The following ZSCAN5C variants were observed in gnomAD, a reference collection of about 807,000 sequenced individuals.
ZSCAN5C encodes the protein zinc finger and SCAN domain containing 5C.
ZSCAN5C carries 11 observed loss-of-function variants against 17.3 expected under a neutral mutation model. The ratio of observed to expected loss-of-function variants is 0.64; its 90% confidence interval spans 0.40 to 1.06. The LOEUF (loss-of-function observed/expected upper bound fraction) is 1.06, where lower values mean the gene tolerates loss of function less well. Ranked by LOEUF, ZSCAN5C falls within the 50% of genes least tolerant of loss-of-function variation. The probability of loss-of-function intolerance (pLI) is 0.00; values close to 1 mark genes in which losing one functional copy is unlikely to be tolerated. For missense variants in ZSCAN5C, 698 were observed against 538.9 expected (o/e 1.30, Z -2.92); for synonymous variants, 229 against 208.4 (o/e 1.10, Z -0.85).
At chr19:56,208,413 C>T (rs2032948202) in intron 4 of ZSCAN5C, 36 bp from the exon 5 acceptor site, 7 of 1,227,004 alleles carry the variant, frequency 5.7e-6, no homozygotes, top group Non-Finnish European at 8.2e-6. Flanking sequence ...TGAAAATGCA[C>T]CTTATTAACT....
intron 4 of ZSCAN5C, 46 bp downstream of exon 4, chr19:56,208,230 T>A: frequency 1.4e-6 from 1 of 728,018 alleles, no homozygotes. Flanking sequence ...CCCTCTCTTC[T>A]GGGGTGTGGG....
exon 3 of ZSCAN5C, chr19:56,207,065 G>A (rs2032929461): frequency 5.6e-6 from 4 of 720,316 alleles, no homozygotes; most frequent in Non-Finnish European, 1.0e-5. Context: ...ATAGTCTGTA[G>A]TCAGTTTTCT....
chr19:56,208,462 A>G (rs1186641332), exon 5 of ZSCAN5C: 2 of 1,386,624 alleles, frequency 1.4e-6, no homozygotes, highest in Non-Finnish European at 2.0e-6. Flanking sequence ...GGGTGGTGGG[A>G]GCAAAGGAGG....
At chr19:56,209,370 G>T, downstream of ZSCAN5C, 16 of 499,814 alleles carry the variant, frequency 3.2e-5, no homozygotes, top group South Asian at 2.0e-4. Context: ...GGGGAATTTT[G>T]GTTTTTGTTT....
At chr19:56,202,285 T>C (rs728207) in exon 1 of ZSCAN5C, 8,796 of 152,184 alleles carry the variant, frequency 0.058, 597 homozygotes, top group East Asian at 0.26. Flanking sequence ...GAGCACATCC[T>C]AGAAGAGAGG....
intron 1 of ZSCAN5C, among the ~76,000 whole-genome samples, chr19:56,204,718 A>T (rs1276670297): frequency 6.6e-6 from 1 of 151,762 alleles, no homozygotes; most frequent in Non-Finnish European, 1.5e-5. Context: ...CCTTCCAGGA[A>T]GTGTGGGGCA....
chr19:56,203,167 G>A (rs1465872247), intron 1 of ZSCAN5C, among the ~76,000 whole-genome samples: 1 of 151,778 alleles, frequency 6.6e-6, no homozygotes. Flanking sequence ...CAAACTCCTG[G>A]GCTCGAGGGA....
chr19:56,207,609 A>G (rs1292004598), intron 3 of ZSCAN5C, among the ~76,000 whole-genome samples: 3 of 151,854 alleles, frequency 2.0e-5, no homozygotes, highest in Admixed American at 6.5e-5. Context: ...CTCACCTCCT[A>G]CAGATTGTCA....
chr19:56,208,735 C>A, exon 5 of ZSCAN5C: 1 of 1,610,878 alleles, frequency 6.2e-7, no homozygotes, highest in Non-Finnish European at 8.5e-7. Context: ...CGGGCCCAGT[C>A]AGTCACCCCA....
At chr19:56,205,828 G>A (rs936467286) in exon 2 of ZSCAN5C, 43 of 629,664 alleles carry the variant, frequency 6.8e-5, no homozygotes, top group African/African-American at 1.8e-5. Flanking sequence ...GAAAAACCAG[G>A]GGTGGCCTGT....
chr19:56,205,405 A>C (rs939008357), intron 1 of ZSCAN5C, among the ~76,000 whole-genome samples: 1 of 151,968 alleles, frequency 6.6e-6, no homozygotes, highest in Non-Finnish European at 1.5e-5. Flanking sequence ...TTGCATAATT[A>C]TGACTAAGGA....
exon 4 of ZSCAN5C, chr19:56,208,144 A>G: frequency 1.3e-6 from 1 of 779,868 alleles, no homozygotes; most frequent in Non-Finnish European, 2.4e-6. Context: ...AGGAGAACCC[A>G]GGACTTACAT....
At chr19:56,208,377 G>T (rs939730867) in intron 4 of ZSCAN5C, 72 bp from the exon 5 acceptor site, 26 of 984,766 alleles carry the variant, frequency 2.6e-5, no homozygotes, top group Non-Finnish European at 4.0e-5. Flanking sequence ...CAACATCAGT[G>T]TTTGGTTGCA....
In ZSCAN5C at chr19:56,204,083, G is replaced by C. The variant is rs186430204; in HGVS notation, c.-127-1704G>C. Among the ~76,000 whole-genome samples, 365 of 151,990 alleles carry C rather than the reference G, an allele frequency of 2.4e-3. 7 individuals carry two copies. The highest frequency in any genetic ancestry group is 8.5e-3 in the African/African-American group (350 of 41,276). On this transcript the variant is annotated intron_variant, in intron 1 of 4. Coordinates refer to ENST00000534327, the Ensembl canonical transcript of ZSCAN5C. ...GTGTTACATGAGTATATTGAGTGAT[G>C]CTGAGGTTTGAGGTATGACTCTACC...
chr19:56,209,235 G>A, downstream of ZSCAN5C: 1 of 654,816 alleles, frequency 1.5e-6, no homozygotes, highest in South Asian at 1.8e-5. Context: ...CACCAAGAAA[G>A]TGTGAATGAA....
rs564669506 is a variant in ZSCAN5C, at chr19:56,206,236, G to A, written c.323G>A (p.Gly108Asp). 3.8e-6 allele frequency: 6 copies of A among 1,568,628 alleles called. No individual in the cohort carries two copies. The South Asian group carries it at 4.7e-5, about 12-fold the overall frequency. ...CTCCAGGTCTTAGTCATGATGAACG[G>A]TGTGCAGAGCTGCAAAGACCTGGAG... is the stretch of plus-strand genomic sequence containing the variant. The change falls in exon 2 of 5, where the codon GGT (glycine) becomes GAT (aspartate). Residue 108 changes from glycine (G) to aspartate (D), a missense_variant. This residue lies in a region of ZSCAN5C where 44 missense variants were observed against 73.8 expected (regional missense o/e 0.60). Coordinates refer to ENST00000534327, the Ensembl canonical transcript of ZSCAN5C.
exon 5 of ZSCAN5C, chr19:56,209,088 G>A (rs994017540): frequency 4.4e-6 from 7 of 1,594,824 alleles, no homozygotes; most frequent in South Asian, 3.3e-5. Flanking sequence ...GAGCACCAGC[G>A]CATCCACTCT....
exon 2 of ZSCAN5C, chr19:56,206,183 G>A: frequency 6.3e-7 from 1 of 1,597,410 alleles, no homozygotes; most frequent in East Asian, 2.2e-5. Context: ...TGGTGATGGA[G>A]CAGTTCATGA....
exon 5 of ZSCAN5C, chr19:56,208,977 A>G (rs751948339): frequency 1.2e-6 from 2 of 1,613,566 alleles, no homozygotes; most frequent in East Asian, 2.2e-5. Flanking sequence ...CAGTTCACCC[A>G]GAAGTCCTAC....
Sources: allele counts gnomAD v4.1 joint callset (sites outside exome capture counted in the v4.1 genomes callset), GRCh38; gene constraint gnomAD v4.1.1; regional missense constraint gnomAD v4.1.1; transcripts MANE v1.5; gene names NCBI Gene and HGNC (gene_info 2026-07-23, HGNC 2026-07-21).